PIK3CB: variants seen among roughly 807,000 people sequenced by gnomAD.
PIK3CB encodes the protein phosphatidylinositol-4,5-bisphosphate 3-kinase catalytic subunit beta.
In PIK3CB, 39 loss-of-function variants were observed where a neutral mutation model predicts 136.8. The observed-to-expected ratio is 0.29, with a 90% CI of 0.22 to 0.37. PIK3CB has a LOEUF of 0.37. Among genes scored for constraint, PIK3CB ranks in the 10% least tolerant of loss-of-function variants. The pLI is 1.00. For synonymous variants in PIK3CB, 428 were observed against 436.6 expected (o/e 0.98, Z 0.25); for missense variants, 868 against 1,275.4 (o/e 0.68, Z 4.87).
chr3:138,810,717 G>A (rs1932994626), intron 1 of PIK3CB, among the ~76,000 whole-genome samples: 1 of 151,308 alleles, frequency 6.6e-6, no homozygotes. Context: ...AGGAGATTGA[G>A]ACCATCCTGG....
At chr3:138,749,439 CTAAA>C (rs950754814) in intron 4 of PIK3CB, among the ~76,000 whole-genome samples, 4 of 152,154 alleles carry the variant, frequency 2.6e-5, no homozygotes, top group African/African-American at 9.7e-5. Flanking sequence ...ATTCTACAAC[CTAAA>C]TAATCTTTCT....
At chr3:138,738,649 G>A (rs1177434028) in intron 5 of PIK3CB, among the ~76,000 whole-genome samples, 3 of 152,102 alleles carry the variant, frequency 2.0e-5, no homozygotes, top group Admixed American at 1.3e-4. Flanking sequence ...GATATAGTTT[G>A]GAATCGATAT....
intron 8 of PIK3CB, among the ~76,000 whole-genome samples, chr3:138,729,329 A>C (rs922350311): frequency 6.6e-6 from 1 of 152,128 alleles, no homozygotes; most frequent in Non-Finnish European, 1.5e-5. Flanking sequence ...TTATGTGTCA[A>C]CTTGATTAGG....
chr3:138,804,891 G>A (rs2046215076), intron 1 of PIK3CB, among the ~76,000 whole-genome samples: 2 of 152,136 alleles, frequency 1.3e-5, no homozygotes, highest in African/African-American at 4.8e-5. Context: ...TGGGCGTGGT[G>A]GTGGGTGCCT....
intron 16 of PIK3CB, chr3:138,685,076 T>C: frequency 3.1e-6 from 1 of 322,978 alleles, no homozygotes; most frequent in South Asian, 3.5e-5. Context: ...ACTTAGATTA[T>C]GGGTACTTAA....
chr3:138,768,099 C>T (rs894131210), intron 2 of PIK3CB, among the ~76,000 whole-genome samples: 10 of 152,048 alleles, frequency 6.6e-5, no homozygotes, highest in African/African-American at 2.4e-4. Flanking sequence ...TAGCTCTTCT[C>T]TGAAGGCAGG....
At chr3:138,797,222 G>A (rs1205082467) in intron 1 of PIK3CB, 2 of 152,322 alleles carry the variant, frequency 1.3e-5, no homozygotes, top group Non-Finnish European at 2.9e-5. Flanking sequence ...TTTGAATGTT[G>A]CCAACAAAAC....
intron 10 of PIK3CB, among the ~76,000 whole-genome samples, chr3:138,707,814 G>A (rs752310372): frequency 7.2e-5 from 11 of 152,074 alleles, no homozygotes; most frequent in Non-Finnish European, 1.5e-4. Context: ...ATTAAGTGGC[G>A]CTCCTTTTAC....
Position 138,699,092 on chromosome 3 carries a change from G to T in PIK3CB, c.1585C>A (p.Arg529=). 1 of 1,541,142 alleles carries T rather than the reference G, an allele frequency of 6.5e-7. No homozygotes were observed. Among genetic ancestry groups the T allele is most frequent in the South Asian group, 1.3e-5 (1 of 79,188 alleles). The part of the protein sequence containing the change: ...ASSDSANVSS[R]GGKKFLPVLK... ...ACAGGAAGAAACTTTTTTCCACCTC[G>T]ACTCTAAAAAAGTAAAATGCTCATT... The change falls in exon 13 of 24, where the codon CGA becomes AGA. Residue 529 remains arginine (R), a synonymous_variant. Transcript: ENST00000674063.
At chr3:138,708,240 C>T (rs913569235) in intron 10 of PIK3CB, among the ~76,000 whole-genome samples, 3 of 150,616 alleles carry the variant, frequency 2.0e-5, no homozygotes, top group Non-Finnish European at 4.4e-5. Flanking sequence ...TTTCTCACCT[C>T]ACGGACTCAA....
At position 138,832,624 on chromosome 3, in the gene PIK3CB, C is replaced by T. The variant is rs530471598; in HGVS notation, c.-122+2071G>A. ...GGGCGGATACCTGAGGTTGGGAGTC[C>T]GAGACCACCCTGACCAACATGGAGA... On this transcript the variant is annotated intron_variant, in intron 1 of 23. Transcript: ENST00000674063. Among the ~76,000 whole-genome samples, 3 of 151,866 alleles carry T rather than the reference C, an allele frequency of 2.0e-5. No homozygotes were observed. The East Asian group carries it at 5.9e-4, about 30-fold the overall frequency.
At chr3:138,665,596 T>G (rs1370931447) in intron 19 of PIK3CB, among the ~76,000 whole-genome samples, 1 of 152,228 alleles carries the variant, frequency 6.6e-6, no homozygotes, top group Non-Finnish European at 1.5e-5. Context: ...ATACATATTA[T>G]CTTGGTTAAG....
intron 14 of PIK3CB, 35 bp from the exon 15 acceptor site, chr3:138,691,178 C>T (rs751241055): frequency 1.3e-6 from 2 of 1,589,122 alleles, no homozygotes; most frequent in Non-Finnish European, 1.7e-6. Flanking sequence ...AGTAACCAAA[C>T]AACCTGTGCC....
chr3:138,686,963 A>C (rs943637730), intron 16 of PIK3CB, among the ~76,000 whole-genome samples: 7 of 152,190 alleles, frequency 4.6e-5, no homozygotes, highest in African/African-American at 1.7e-4. Flanking sequence ...TGACAAGGCA[A>C]CCAGATAAAA....
chr3:138,710,580 T>A (rs1411651983), intron 10 of PIK3CB, among the ~76,000 whole-genome samples: 1 of 152,114 alleles, frequency 6.6e-6, no homozygotes, highest in African/African-American at 2.4e-5. Flanking sequence ...TATAGACCAA[T>A]GGGAAGATTT....
chr3:138,722,561 G>C (rs1001535052), intron 8 of PIK3CB, among the ~76,000 whole-genome samples: 2 of 151,570 alleles, frequency 1.3e-5, no homozygotes, highest in African/African-American at 4.8e-5. Context: ...TATAATAAAG[G>C]CTCAATAAAT....
intron 8 of PIK3CB, among the ~76,000 whole-genome samples, chr3:138,715,481 C>A (rs2044588374): frequency 6.6e-6 from 1 of 152,166 alleles, no homozygotes; most frequent in Non-Finnish European, 1.5e-5. Flanking sequence ...AGATGTGATA[C>A]TAGCACACAA....
chr3:138,694,119 T>G (rs1398654303), intron 14 of PIK3CB, among the ~76,000 whole-genome samples: 1 of 151,226 alleles, frequency 6.6e-6, no homozygotes, highest in Non-Finnish European at 1.5e-5. Flanking sequence ...GATTGGCCCA[T>G]GGCTAGCATC....
At chr3:138,795,165 C>T (rs746665001) in intron 2 of PIK3CB, among the ~76,000 whole-genome samples, 9 of 151,396 alleles carry the variant, frequency 5.9e-5, no homozygotes, top group Non-Finnish European at 1.2e-4. Flanking sequence ...ACTAAAAATA[C>T]AAAAATTAGC....
Sources: allele counts gnomAD v4.1 joint callset (sites outside exome capture counted in the v4.1 genomes callset), GRCh38; gene constraint gnomAD v4.1.1; transcripts MANE v1.5; gene names NCBI Gene and HGNC (gene_info 2026-07-23, HGNC 2026-07-21).